VWA5A: variants seen among roughly 807,000 people sequenced by gnomAD.
VWA5A encodes von Willebrand factor A domain-containing protein 5A.
Under a neutral mutation model 84.6 loss-of-function variants are expected in VWA5A, and 77 were observed. The ratio of observed to expected loss-of-function variants is 0.91; its 90% CI spans 0.76 to 1.10. The LOEUF (loss-of-function observed/expected upper bound fraction) is 1.10, where lower values mean the gene tolerates loss of function less well. Among genes scored for constraint, VWA5A ranks in the 50% least tolerant of loss-of-function variants. VWA5A has a pLI of 0.00. For missense variants in VWA5A, 973 were observed against 963.0 expected (o/e 1.01, Z -0.14); for synonymous variants, 334 against 350.1 (o/e 0.95, Z 0.51).
At chr11:124,123,606 T>C in intron 9 of VWA5A, 54 bp from the exon 10 acceptor site, 1 of 1,614,048 alleles carries the variant, frequency 6.2e-7, no homozygotes, top group South Asian at 1.1e-5. Context: ...AGGGACTCTA[T>C]ACTGGGCAAG....
chr11:124,126,119 C>A (rs762597659), intron 11 of VWA5A, among the ~76,000 whole-genome samples: 1 of 152,184 alleles, frequency 6.6e-6, no homozygotes, highest in Non-Finnish European at 1.5e-5. Flanking sequence ...TAGAACTACA[C>A]CATATAAATT....
At chr11:124,119,148 A>C in intron 7 of VWA5A, 59 bp downstream of exon 7, 2 of 1,441,894 alleles carry the variant, frequency 1.4e-6, no homozygotes, top group East Asian at 4.7e-5. Flanking sequence ...TCTTGGAATT[A>C]CTGTCGAATT....
rs1431839950 is a variant in VWA5A at position 124,123,446 on chromosome 11, A to C, written c.1011A>C (p.Ala337=). 1.2e-6 allele frequency: 2 copies of C among 1,614,002 alleles called. No individual in the cohort carries two copies. The highest frequency in any genetic ancestry group is 1.3e-5 in the African/African-American group (1 of 75,042). Residue 337 remains alanine (A), a synonymous_variant, in exon 9 of 19, where the codon GCA becomes GCC. Transcript: ENST00000456829. ...ATGGATTTGGCTCTTCCTATGAGGCATGCTTTCCGTAAGTTTCTGGAAAGA... is the reference window on the plus strand; with the variant it reads ...ATGGATTTGGCTCTTCCTATGAGGCCTGCTTTCCGTAAGTTTCTGGAAAGA... The part of the protein sequence containing the change: ...NIYGFGSSYE[A]CFPESVKYTQ...
chr11:124,145,350 G>A lies in VWA5A; in HGVS notation c.2268G>A (p.Met756Ile). ...ELLERKAVAWMRAHAGSTMPS... is the reference protein window; with the variant it reads ...ELLERKAVAWIRAHAGSTMPS... ...TGGAAAGGAAGGCCGTGGCCTGGATGCGTGCCCATGCAGGTAGGAGCACAA... is the reference window on the plus strand; with the variant it reads ...TGGAAAGGAAGGCCGTGGCCTGGATACGTGCCCATGCAGGTAGGAGCACAA... The change falls in exon 18 of 19, where the codon ATG (methionine) becomes ATA (isoleucine). Residue 756 changes from methionine (M) to isoleucine (I), a missense_variant. By Grantham distance (10) the Met-to-Ile change is conservative. Coordinates refer to ENST00000456829, the MANE Select transcript of VWA5A (RefSeq NM_001130142.2). 1 of 1,613,014 alleles carries A rather than the reference G, an allele frequency of 6.2e-7. No individual in the cohort carries two copies. The highest frequency in any genetic ancestry group is 1.7e-5 in the Admixed American group (1 of 59,980).
chr11:124,130,611 C>G (rs1191901519), intron 11 of VWA5A, among the ~76,000 whole-genome samples: 1 of 152,096 alleles, frequency 6.6e-6, no homozygotes, highest in African/African-American at 2.4e-5. Context: ...GTGTGGGAGT[C>G]TAAGTCTTTT....
At chr11:124,139,923 T>C (rs776253923) in intron 15 of VWA5A, among the ~76,000 whole-genome samples, 3 of 152,206 alleles carry the variant, frequency 2.0e-5, no homozygotes, top group Non-Finnish European at 2.9e-5. Context: ...CAATATGATA[T>C]TAGGTGTGAG....
intron 17 of VWA5A, 24 bp downstream of exon 17, chr11:124,142,596 T>A: frequency 2.5e-6 from 4 of 1,612,796 alleles, no homozygotes; most frequent in Non-Finnish European, 3.4e-6. Flanking sequence ...GAAAAAGGAG[T>A]ATGTATGTTT....
chr11:124,119,110 T>C lies in VWA5A; in HGVS notation c.760+21T>C, dbSNP rs375241330. ...GCCAGGTATTTTCTTTCTTCCTTTGTAGTCATCCCCTAAGGGGCAACTCCC... is the reference window on the plus strand; with the variant it reads ...GCCAGGTATTTTCTTTCTTCCTTTGCAGTCATCCCCTAAGGGGCAACTCCC... On this transcript the variant is annotated intron_variant, in intron 7 of 18. Transcript: ENST00000456829. 1.9e-5 allele frequency: 31 copies of C among 1,601,486 alleles called. No individual in the cohort carries two copies. The African/African-American group carries it at 2.7e-4, about 14-fold the overall frequency.
intron 11 of VWA5A, among the ~76,000 whole-genome samples, chr11:124,129,463 G>C (rs546605298): frequency 6.6e-6 from 1 of 152,164 alleles, no homozygotes; most frequent in South Asian, 2.1e-4. Context: ...GTCTCAGCCA[G>C]GTTTTGGTAT....
At chr11:124,144,235 G>A (rs1200362239) in intron 17 of VWA5A, among the ~76,000 whole-genome samples, 1 of 152,006 alleles carries the variant, frequency 6.6e-6, no homozygotes, top group Non-Finnish European at 1.5e-5. Context: ...ACTGTTTTGG[G>A]TTCCAAATTC....
In VWA5A at chr11:124,128,438, A is replaced by C. The variant is rs551281274; in HGVS notation, c.1244+4122A>C. Among the ~76,000 whole-genome samples the C allele has an allele frequency of 6.6e-5, 10 of 152,334 alleles. No homozygotes were observed. The South Asian group carries it at 1.0e-3, about 16-fold the overall frequency. On this transcript the variant is annotated intron_variant, in intron 11 of 18. Transcript: ENST00000456829. Reference sequence around the variant, plus strand: ...TAGCCTTGTAGTATAGTTTGAAGCCAGGTAGCGTGATGCCTCCAGCTTTAT... The same window carrying C: ...TAGCCTTGTAGTATAGTTTGAAGCCCGGTAGCGTGATGCCTCCAGCTTTAT...
chr11:124,118,376 T>C lies in VWA5A; in HGVS notation c.434T>C (p.Leu145Pro). The C allele has an allele frequency of 1.9e-6, 3 of 1,614,212 alleles. No homozygotes were observed. The highest frequency in any genetic ancestry group is 2.5e-6 in the Non-Finnish European group (3 of 1,180,044). The change falls in exon 5 of 19, where the codon CTC (leucine) becomes CCC (proline). Residue 145 changes from leucine (L) to proline (P), a missense_variant. Coordinates refer to ENST00000456829, the MANE Select transcript of VWA5A (RefSeq NM_001130142.2). ...LEADGALRFV[L>P]PAVLNPRYQF... ...GCAGATGGGGCTCTGCGCTTTGTGCTCCCAGCTGTCCTGAATCCTAGATAC... is the reference window on the plus strand; with the variant it reads ...GCAGATGGGGCTCTGCGCTTTGTGCCCCCAGCTGTCCTGAATCCTAGATAC...
intron 7 of VWA5A, 88 bp downstream of exon 7, chr11:124,119,177 C>A: frequency 8.1e-7 from 1 of 1,230,882 alleles, no homozygotes. Flanking sequence ...TTCTTTCCTT[C>A]CCTCCAGGGG....
intron 1 of VWA5A, chr11:124,116,282 C>T (rs145625287): frequency 2.6e-5 from 4 of 152,444 alleles, no homozygotes; most frequent in African/African-American, 9.6e-5. Flanking sequence ...AGAGACAGAA[C>T]TAATTCTGAC....
At chr11:124,145,069 G>A (rs1860794143) in intron 17 of VWA5A, among the ~76,000 whole-genome samples, 168 bp from the exon 18 acceptor site, 1 of 152,174 alleles carries the variant, frequency 6.6e-6, no homozygotes, top group Non-Finnish European at 1.5e-5. Context: ...CTGCCCTGAG[G>A]TTTAAGGCCT....
intron 9 of VWA5A, 58 bp downstream of exon 9, chr11:124,123,512 A>C: frequency 6.2e-7 from 1 of 1,604,156 alleles, no homozygotes; most frequent in East Asian, 2.2e-5. Flanking sequence ...AAAGGGACTA[A>C]ATTGTTAAAG....
Position 124,117,839 on chromosome 11 carries a change from G to A in VWA5A, c.210G>A (p.Gly70=), listed in dbSNP as rs866857127. 1.9e-6 allele frequency: 3 copies of A among 1,614,164 alleles called. No homozygotes were observed. Among genetic ancestry groups the A allele is most frequent in the Non-Finnish European group, 2.5e-6 (3 of 1,180,036 alleles). Reference sequence around the variant, plus strand: ...ACAGCTTTGAGGCCTTGGTGGATGGGAAGAAAATTGTAGCAGAATTACAAG... The same window carrying A: ...ACAGCTTTGAGGCCTTGGTGGATGGAAAGAAAATTGTAGCAGAATTACAAG... ...AVYSFEALVD[G]KKIVAELQDK... The change falls in exon 4 of 19, where the codon GGG becomes GGA. Residue 70 remains glycine, a synonymous_variant. Coordinates refer to ENST00000456829, the MANE Select transcript of VWA5A (RefSeq NM_001130142.2).
At chr11:124,139,200 T>C (rs553317437) in intron 15 of VWA5A, among the ~76,000 whole-genome samples, 2 of 150,988 alleles carry the variant, frequency 1.3e-5, no homozygotes, top group East Asian at 3.9e-4. Context: ...TGAAGTCAGA[T>C]AGTATGATGC....
rs1434018508 is a variant in VWA5A, at chr11:124,140,580, C to T, written c.1880-1018C>T. On this transcript the variant is annotated intron_variant, in intron 15 of 18. Transcript: ENST00000456829. ...TTGGGCTAAAGTGATTCTCCCACCT[C>T]AGCCTCCTGAGTAGGTAGGACTCTA... Among the ~76,000 whole-genome samples the T allele has an allele frequency of 2.0e-5, 3 of 152,112 alleles. No homozygotes were observed. In the South Asian group the frequency reaches 6.2e-4, roughly 32 times the overall value.
Sources: allele counts gnomAD v4.1 joint callset (sites outside exome capture counted in the v4.1 genomes callset), GRCh38; gene constraint gnomAD v4.1.1; transcripts MANE v1.5; gene names NCBI Gene and HGNC (gene_info 2026-07-23, HGNC 2026-07-21).